ME3: variants seen among roughly 807,000 people sequenced by gnomAD.
ME3 encodes the protein NADP-dependent malic enzyme, mitochondrial.
ME3 carries 48 observed loss-of-function variants against 68.9 expected under a neutral mutation model. The observed-to-expected ratio is 0.70, with a 90% CI of 0.55 to 0.89. The LOEUF is 0.89. Ranked by LOEUF, ME3 falls within the 40% of genes least tolerant of loss-of-function variation. The pLI is 0.00. For missense variants in ME3, 675 were observed against 797.4 expected, an observed-to-expected ratio of 0.85 and a Z score of 1.85; for synonymous variants, 320 against 318.8, an observed-to-expected ratio of 1.00 and a Z score of -0.04.
At chr11:86,563,831 A>G (rs1384964291) in intron 2 of ME3, among the ~76,000 whole-genome samples, 1 of 152,132 alleles carries the variant, frequency 6.6e-6, no homozygotes, top group African/African-American at 2.4e-5. Flanking sequence ...TATCAGTACC[A>G]TGCTGTTTTG....
intron 2 of ME3, among the ~76,000 whole-genome samples, chr11:86,598,931 C>G (rs1444171429): frequency 6.6e-6 from 1 of 152,132 alleles, no homozygotes; most frequent in Admixed American, 6.5e-5. Context: ...AAAGGGCATC[C>G]ACACCAAAAC....
chr11:86,620,390 A>G (rs1180424792), intron 2 of ME3, among the ~76,000 whole-genome samples: 4 of 152,290 alleles, frequency 2.6e-5, no homozygotes, highest in Non-Finnish European at 2.9e-5. Flanking sequence ...TTCTTCTCTT[A>G]TTGAAAAGAC....
chr11:86,647,141 A>G (rs1259267320), intron 2 of ME3, among the ~76,000 whole-genome samples: 1 of 152,218 alleles, frequency 6.6e-6, no homozygotes, highest in Non-Finnish European at 1.5e-5. Context: ...AAACTGCATC[A>G]ACTAATGGGC....
At chr11:86,569,352 C>T (rs980265800) in intron 2 of ME3, among the ~76,000 whole-genome samples, 4 of 152,180 alleles carry the variant, frequency 2.6e-5, no homozygotes, top group Admixed American at 2.6e-4. Context: ...CTTTGACTCA[C>T]ACCAGCACCC....
At chr11:86,545,697 C>T (rs1956321250) in intron 4 of ME3, among the ~76,000 whole-genome samples, 1 of 152,198 alleles carries the variant, frequency 6.6e-6, no homozygotes, top group Admixed American at 6.5e-5. Context: ...ATTCCATGCT[C>T]ATGGATAGGA....
intron 2 of ME3, among the ~76,000 whole-genome samples, chr11:86,581,033 A>G (rs1958413255): frequency 6.6e-6 from 1 of 152,188 alleles, no homozygotes; most frequent in Non-Finnish European, 1.5e-5. Flanking sequence ...AAGTCTGGGA[A>G]TTGAAGTGAA....
chr11:86,606,359 G>T (rs1156315991), intron 2 of ME3, among the ~76,000 whole-genome samples: 2 of 150,076 alleles, frequency 1.3e-5, no homozygotes, highest in African/African-American at 4.9e-5. Context: ...TCTCAGGGAC[G>T]TGCCTCATCA....
intron 2 of ME3, among the ~76,000 whole-genome samples, chr11:86,564,005 G>T (rs1957360167): frequency 6.6e-6 from 1 of 152,122 alleles, no homozygotes; most frequent in African/African-American, 2.4e-5. Context: ...AGCTTAATAG[G>T]AATAGCATTG....
intron 2 of ME3, among the ~76,000 whole-genome samples, chr11:86,639,660 A>G (rs533140093): frequency 1.3e-5 from 2 of 152,314 alleles, no homozygotes; most frequent in South Asian, 4.2e-4. Context: ...AGTTGTGTTG[A>G]TCTTGATGAT....
intron 4 of ME3, among the ~76,000 whole-genome samples, chr11:86,518,884 G>A (rs1954071554): frequency 6.6e-6 from 1 of 152,218 alleles, no homozygotes; most frequent in South Asian, 2.1e-4. Context: ...TAGAAACAGA[G>A]ATTGGACTGA....
At chr11:86,462,515 C>A (rs1418712110) in intron 8 of ME3, 123 of 1,159,252 alleles carry the variant, frequency 1.1e-4, no homozygotes, top group Non-Finnish European at 1.3e-4. Flanking sequence ...GAATGATGAC[C>A]TGGATAACAG....
intron 4 of ME3, among the ~76,000 whole-genome samples, chr11:86,534,081 G>GTGTGTGTATATATATATATATATATA (rs1361825219): frequency 7.8e-6 from 1 of 127,506 alleles, no homozygotes; most frequent in African/African-American, 3.2e-5. Context: ...GTGTGTGTGT[G>GTGTGTGTATATATATATATATATATA]TATATATATA....
intron 6 of ME3, among the ~76,000 whole-genome samples, chr11:86,496,500 A>G (rs979141778): frequency 2.0e-5 from 3 of 152,350 alleles, no homozygotes; most frequent in South Asian, 2.1e-4. Flanking sequence ...AAATTTTCTT[A>G]AGAGAAATCA....
At chr11:86,465,119 C>T in exon 8 of ME3, 1 of 1,613,612 alleles carries the variant, frequency 6.2e-7, no homozygotes, top group South Asian at 1.1e-5. Context: ...ACATGCAGTA[C>T]TTGTTACGGT....
chr11:86,624,265 T>C (rs9787905), intron 2 of ME3, among the ~76,000 whole-genome samples: 58,605 of 151,938 alleles, frequency 0.39, 11,964 homozygotes, highest in East Asian at 0.7. Flanking sequence ...TCTTGTCAGA[T>C]ACCCCTATAA....
At chr11:86,606,079 C>A (rs181947076) in intron 2 of ME3, among the ~76,000 whole-genome samples, 57 of 152,180 alleles carry the variant, frequency 3.7e-4, no homozygotes, top group African/African-American at 1.3e-3. Context: ...AAGACTCCAC[C>A]CCTCCTCCCT....
chr11:86,507,961 AGT>A (rs1273462270), intron 5 of ME3, among the ~76,000 whole-genome samples: 1 of 140,614 alleles, frequency 7.1e-6, no homozygotes, highest in African/African-American at 2.6e-5. Flanking sequence ...TGGACGACAG[AGT>A]GAGACTCTGT....
At chr11:86,665,887 C>T (rs1379694204) in intron 2 of ME3, among the ~76,000 whole-genome samples, 2 of 152,202 alleles carry the variant, frequency 1.3e-5, no homozygotes, top group East Asian at 3.9e-4. Flanking sequence ...GAGGAGAAGA[C>T]TGAAGACTGA....
intron 2 of ME3, among the ~76,000 whole-genome samples, chr11:86,608,096 T>C (rs1203113500): frequency 1.3e-5 from 2 of 152,150 alleles, no homozygotes; most frequent in Admixed American, 6.5e-5. Flanking sequence ...AAGGTTACAA[T>C]GCAAAAGAAA....
Sources: allele counts gnomAD v4.1 joint callset (sites outside exome capture counted in the v4.1 genomes callset), GRCh38; gene constraint gnomAD v4.1.1; transcripts MANE v1.5; gene names NCBI Gene and HGNC (gene_info 2026-07-23, HGNC 2026-07-21).